Variants in ZNF433 observed in about 807,000 individuals in gnomAD.
ZNF433 encodes zinc finger protein 433.
In ZNF433, 12 loss-of-function variants were observed where a neutral mutation model predicts 10.6. The observed-to-expected ratio is 1.13, with a 90% CI of 0.72 to 1.83. The LOEUF (loss-of-function observed/expected upper bound fraction) is 1.83, where lower values mean the gene tolerates loss of function less well. Among genes scored for constraint, ZNF433 ranks in the 40% most tolerant of loss-of-function variants. The pLI is 0.00. For synonymous variants in ZNF433, 272 were observed against 271.3 expected (o/e 1.00, Z -0.02); for missense variants, 737 against 798.0 (o/e 0.92, Z 0.92).
rs995766104 is a variant in ZNF433, at chr19:12,015,031, G to T, written c.1827C>A (p.His609Gln). The T allele has an allele frequency of 4.3e-6, 7 of 1,613,972 alleles. No homozygotes were observed. Among genetic ancestry groups the T allele is most frequent in the Non-Finnish European group, 5.9e-6 (7 of 1,180,002 alleles). ...TACATTTATACGGTTTCTCTCCAGT[G>T]TGAGTCCTTCCATGCATTTGAAGTC... Reference protein sequence around the residue: ...ASRLQMHGRTHTGEKPYKCKQ... With the variant: ...ASRLQMHGRTQTGEKPYKCKQ... The change falls in exon 4 of 4, where the codon CAC (histidine) becomes CAA (glutamine). Residue 609 changes from histidine to glutamine, a missense_variant. Transcript: ENST00000550507.
At chr19:12,023,501 A>G (rs1974594747) in intron 1 of ZNF433, 1 of 152,226 alleles carries the variant, frequency 6.6e-6, no homozygotes, top group African/African-American at 2.4e-5. Flanking sequence ...AGCACAAATA[A>G]ACAAGGCAAA....
chr19:12,035,215 C>T (rs1055051776), intron 1 of ZNF433, among the ~76,000 whole-genome samples: 3 of 152,240 alleles, frequency 2.0e-5, no homozygotes, highest in African/African-American at 7.2e-5. Flanking sequence ...ACCCCCACAC[C>T]CGAGGCGGGA....
intron 1 of ZNF433, among the ~76,000 whole-genome samples, chr19:12,029,525 A>G (rs113608572): frequency 8.8e-6 from 1 of 113,504 alleles, no homozygotes; most frequent in Admixed American, 7.7e-5. Context: ...CTGTCTCAAA[A>G]AAAAAAAAAA....
chr19:12,015,076 C>T lies in ZNF433; in HGVS notation c.1782G>A (p.Lys594=), dbSNP rs1263505477. ...GAAGTCGCGAGGCACATCCAAAAGACTTCCCACACTGCTTACATTCATAGG... is the reference window on the plus strand; with the variant it reads ...GAAGTCGCGAGGCACATCCAAAAGATTTCCCACACTGCTTACATTCATAGG... The part of the protein sequence containing the change: ...EKPYECKQCG[K]SFGCASRLQM... Residue 594 remains lysine (K), a synonymous_variant, in exon 4 of 4, where the codon AAG becomes AAA. Coordinates refer to ENST00000550507, the MANE Select transcript of ZNF433 (RefSeq NM_001308348.2). The T allele has an allele frequency of 1.9e-6, 3 of 1,609,542 alleles. No homozygotes were observed. Among genetic ancestry groups the T allele is most frequent in the Non-Finnish European group, 2.5e-6 (3 of 1,178,802 alleles).
rs1484181582 is a variant in ZNF433, at chr19:12,016,474, T to C, written c.384A>G (p.Ala128=). 1.2e-6 allele frequency: 2 copies of C among 1,614,196 alleles called. No homozygotes were observed. The highest frequency in any genetic ancestry group is 4.5e-5 in the East Asian group (2 of 44,882). The change falls in exon 4 of 4, where the codon GCA becomes GCG. Residue 128 remains alanine, a synonymous_variant. Transcript: ENST00000550507. ...RHIRDDTGHK[A]YEYQEYGQKP... The stretch of plus-strand genomic sequence containing the variant: ...TCTGTCCATATTCTTGATACTCATA[T>C]GCCTTGTGTCCAGTGTCATCTCTGA...
chr19:12,017,772 G>A (rs1267862019), intron 3 of ZNF433, 104 bp downstream of exon 3: 5 of 789,314 alleles, frequency 6.3e-6, no homozygotes, highest in Non-Finnish European at 2.0e-6. Context: ...TAAATAGATT[G>A]AAATTGTGCT....
chr19:12,031,036 G>A (rs762815096), intron 1 of ZNF433, among the ~76,000 whole-genome samples: 4 of 152,096 alleles, frequency 2.6e-5, no homozygotes, highest in South Asian at 2.1e-4. Flanking sequence ...GCTGGCTCAC[G>A]CCTGTACTCC....
intron 1 of ZNF433, among the ~76,000 whole-genome samples, chr19:12,033,776 C>G (rs979229402): frequency 1.4e-5 from 2 of 146,904 alleles, no homozygotes; most frequent in Non-Finnish European, 3.0e-5. Flanking sequence ...GAGTAGAGAT[C>G]GCGCCACTGC....
At position 12,016,325 on chromosome 19, in the gene ZNF433, GAAAT is replaced by G. The variant is rs753524308; in HGVS notation, c.529_532del (p.Ile177ProfsTer10). 2 of 1,614,182 alleles carry G rather than the reference GAAAT, an allele frequency of 1.2e-6. No individual in the cohort carries two copies. Among genetic ancestry groups the G allele is most frequent in the Non-Finnish European group, 1.7e-6 (2 of 1,180,026 alleles). On this transcript the variant is annotated frameshift_variant, in exon 4 of 4. Transcript: ENST00000550507. LOFTEE classifies it low-confidence loss of function (END_TRUNC). ...CCTGTGTCTTTGAAGGTTTGAATGG[GAAAT>G]AAATGTTTTTCCGCATTCCTCACAA... is the stretch of plus-strand genomic sequence containing the variant.
intron 2 of ZNF433, 40 bp from the exon 3 acceptor site, chr19:12,017,976 A>C: frequency 7.0e-7 from 1 of 1,435,394 alleles, no homozygotes; most frequent in Non-Finnish European, 9.5e-7. Context: ...GAATTAGTAT[A>C]AAATTATTAA....
chr19:12,030,081 CAAAAAAAAAAAA>C lies in ZNF433; in HGVS notation c.3+5444_3+5455del, dbSNP rs74180055. On this transcript the variant is annotated intron_variant, in intron 1 of 3. Coordinates refer to ENST00000550507, the MANE Select transcript of ZNF433 (RefSeq NM_001308348.2). The stretch of plus-strand genomic sequence containing the variant: ...TGGGTGACAGAGCAAGACTCCATCT[CAAAAAAAAAAAA>C]AAAAAAAAAAAAATAGCCATCTGCA... The C allele has an allele frequency of 2.0e-4, 40 of 205,090 alleles. 1 individual carries two copies. Among genetic ancestry groups the C allele is most frequent in the African/African-American group, 1.5e-3 (22 of 14,286 alleles). The allele number at this position is 205,090 out of a possible 1,614,324, so 12.7% of individuals were successfully genotyped here.
At chr19:12,035,408 C>T (rs1382112962) in intron 1 of ZNF433, 129 bp downstream of exon 1, 10 of 1,332,656 alleles carry the variant, frequency 7.5e-6, no homozygotes, top group Non-Finnish European at 9.3e-6. Flanking sequence ...AAGGGCCGAG[C>T]TGTCCCACGG....
At chr19:12,026,806 C>T (rs1974757226) in intron 1 of ZNF433, 1 of 453,982 alleles carries the variant, frequency 2.2e-6, no homozygotes, top group South Asian at 1.6e-5. Flanking sequence ...TGAATTGCAC[C>T]TCTCAGTCTG....
rs372652849 is a variant in ZNF433, at chr19:12,015,017, G to A, written c.1841C>T (p.Pro614Leu). Reference protein sequence around the residue: ...MHGRTHTGEKPYKCKQCGKAF... With the variant: ...MHGRTHTGEKLYKCKQCGKAF... Reference sequence around the variant, plus strand: ...TTTCCCACATTGCTTACATTTATACGGTTTCTCTCCAGTGTGAGTCCTTCC... The same window carrying A: ...TTTCCCACATTGCTTACATTTATACAGTTTCTCTCCAGTGTGAGTCCTTCC... The change falls in exon 4 of 4, where the codon CCG becomes CTG. Residue 614 changes from proline to leucine, a missense_variant. Coordinates refer to ENST00000550507, the MANE Select transcript of ZNF433 (RefSeq NM_001308348.2). 70 of 1,614,018 alleles carry A rather than the reference G, an allele frequency of 4.3e-5. No individual in the cohort carries two copies. The highest frequency in any genetic ancestry group is 6.7e-5 in the Admixed American group (4 of 59,994).
chr19:12,020,643 G>A lies in ZNF433; in HGVS notation c.4-2351C>T, dbSNP rs569789847. Among the ~76,000 whole-genome samples the A allele has an allele frequency of 2.1e-3, 317 of 152,104 alleles. 2 individuals carry two copies. Among genetic ancestry groups the A allele is most frequent in the African/African-American group, 6.9e-3 (287 of 41,498 alleles). On this transcript the variant is annotated intron_variant, in intron 1 of 3. Transcript: ENST00000550507. The stretch of plus-strand genomic sequence containing the variant: ...CATTCCTAAGAAGAGCTGGCTGAGC[G>A]CGGTGGCTCACGCCTGTAATCCCAG...
chr19:12,018,245 C>T lies in ZNF433; in HGVS notation c.51G>A (p.Glu17=), dbSNP rs968154033. The change falls in exon 2 of 4, where the codon GAG becomes GAA. Residue 17 remains glutamate, a synonymous_variant. Coordinates refer to ENST00000550507, the MANE Select transcript of ZNF433 (RefSeq NM_001308348.2). ...EDVAVTFTQE[E]WALLDPSQKN... The stretch of plus-strand genomic sequence containing the variant: ...TCTGGGAAGGATCCAGCAAAGCCCA[C>T]TCCTCTTGGGTGAAGGTCACAGCCA... 1 of 1,613,604 alleles carries T rather than the reference C, an allele frequency of 6.2e-7. No individual in the cohort carries two copies. Among genetic ancestry groups the T allele is most frequent in the African/African-American group, 1.3e-5 (1 of 75,010 alleles).
At chr19:12,028,299 A>G (rs77779988) in intron 1 of ZNF433, among the ~76,000 whole-genome samples, 2,577 of 152,330 alleles carry the variant, frequency 0.017, 60 homozygotes, top group African/African-American at 0.05. Flanking sequence ...ATTAATCAAG[A>G]AAGTGAACTA....
Position 12,019,136 on chromosome 19 carries a change from T to C in ZNF433, c.4-844A>G, listed in dbSNP as rs1481621240. ...CATTTATCAAACTTTTAAAAACTTT[T>C]GTGGCCAGGCATGGTGGCTCATGCC... On this transcript the variant is annotated intron_variant, in intron 1 of 3. Transcript: ENST00000550507. Among the ~76,000 whole-genome samples, 4 of 151,578 alleles carry C rather than the reference T, an allele frequency of 2.6e-5. No individual in the cohort carries two copies. The East Asian group carries it at 7.7e-4, about 29-fold the overall frequency.
At chr19:12,026,696 G>A (rs279172) in intron 1 of ZNF433, 10,714 of 453,888 alleles carry the variant, frequency 0.024, 1,032 homozygotes, top group African/African-American at 0.2. Flanking sequence ...AAAAATGAAC[G>A]TACTTGTTTG....
Sources: allele counts gnomAD v4.1 joint callset (sites outside exome capture counted in the v4.1 genomes callset), GRCh38; gene constraint gnomAD v4.1.1; transcripts MANE v1.5; gene names NCBI Gene and HGNC (gene_info 2026-07-23, HGNC 2026-07-21).